ZMYND8: variants seen among roughly 807,000 people sequenced by gnomAD.
ZMYND8 encodes zinc finger MYND-type containing 8.
ZMYND8 carries 37 observed loss-of-function variants against 140.8 expected under a neutral mutation model. That is an observed-to-expected ratio of 0.26 (90% CI 0.20 to 0.35). The LOEUF (loss-of-function observed/expected upper bound fraction) is 0.35, where lower values mean the gene tolerates loss of function less well. Ranked by LOEUF, ZMYND8 falls within the 10% of genes least tolerant of loss-of-function variation. The pLI is 1.00. For missense variants in ZMYND8, 1,068 were observed against 1,570.0 expected, an observed-to-expected ratio of 0.68 and a Z score of 5.40; for synonymous variants, 592 against 597.1, an observed-to-expected ratio of 0.99 and a Z score of 0.12.
chr20:47,268,700 C>A (rs1033578245), intron 11 of ZMYND8, among the ~76,000 whole-genome samples: 2 of 12,298 alleles, frequency 1.6e-4, no homozygotes, highest in African/African-American at 4.1e-4. Context: ...TCGCCTGAAC[C>A]TGGGATGCGG....
intron 1 of ZMYND8, chr20:47,349,760 C>T: frequency 2.1e-6 from 3 of 1,461,614 alleles, no homozygotes; most frequent in Non-Finnish European, 2.8e-6. Flanking sequence ...TGAAACCGAT[C>T]CCATATTTTG....
At position 47,298,217 on chromosome 20, in the gene ZMYND8, A is replaced by G. The variant is rs1354712929; in HGVS notation, c.453+512T>C. 4.2e-6 allele frequency: 4 copies of G among 955,416 alleles called. No homozygotes were observed. The East Asian group carries it at 4.6e-4, about 110-fold the overall frequency. 59.2% of individuals were successfully genotyped at this position (955,416 alleles called of 1,614,324 possible). The stretch of plus-strand genomic sequence containing the variant: ...AAATGATCCATGCCTGTTTTTGTGC[A>G]CTGTCGAATTCCCAGCACCTAATAG... On this transcript the variant is annotated intron_variant, in intron 4 of 22. Transcript: ENST00000471951. This position sits in a 1 kb window ranked among gnomAD's most constrained non-coding sequence, Gnocchi z 5.0.
chr20:47,296,575 G>A (rs2077648093), intron 4 of ZMYND8, among the ~76,000 whole-genome samples: 1 of 152,080 alleles, frequency 6.6e-6, no homozygotes, highest in Non-Finnish European at 1.5e-5. Flanking sequence ...AATAAACTCT[G>A]GCCTGGCCCT....
intron 3 of ZMYND8, among the ~76,000 whole-genome samples, chr20:47,302,441 A>G (rs745712662): frequency 2.0e-5 from 3 of 152,202 alleles, no homozygotes; most frequent in Non-Finnish European, 4.4e-5. Flanking sequence ...TGAGCGAAAG[A>G]GCGAGACATC....
intron 5 of ZMYND8, among the ~76,000 whole-genome samples, chr20:47,294,374 A>C (rs1216678560): frequency 6.6e-6 from 1 of 151,344 alleles, no homozygotes; most frequent in African/African-American, 2.4e-5. Flanking sequence ...AAACAAACAA[A>C]AAAAAAAACC....
intron 3 of ZMYND8, among the ~76,000 whole-genome samples, chr20:47,301,208 G>C (rs2148089625): frequency 6.7e-6 from 1 of 148,286 alleles, no homozygotes; most frequent in Admixed American, 6.8e-5. Flanking sequence ...AGGATAGAGT[G>C]CAATGGCGTG....
chr20:47,348,202 A>T, intron 1 of ZMYND8: 1 of 454,664 alleles, frequency 2.2e-6, no homozygotes, highest in Non-Finnish European at 4.0e-6. Flanking sequence ...TTAGACACAC[A>T]ATTACAACCT....
chr20:47,212,780 C>A lies in ZMYND8; in HGVS notation c.3485-55G>T, dbSNP rs958374366. ...TCTGTCAGAGAGCTGGAATTCCGCA[C>A]AACCCCAAGTGCTTACTATTTTTGT... On this transcript the variant is annotated intron_variant, in intron 21 of 22. Transcript: ENST00000471951. 5.3e-6 allele frequency: 8 copies of A among 1,497,020 alleles called. No homozygotes were observed. In the South Asian group the frequency reaches 1.0e-4, roughly 19 times the overall value. 92.7% of individuals were successfully genotyped at this position (1,497,020 alleles called of 1,614,324 possible).
At chr20:47,228,723 G>C (rs767459060) in intron 17 of ZMYND8, among the ~76,000 whole-genome samples, 1 of 152,072 alleles carries the variant, frequency 6.6e-6, no homozygotes, top group Non-Finnish European at 1.5e-5. Context: ...TCTCCTCTTC[G>C]TCTGAGCACC....
At chr20:47,318,716 G>A in intron 2 of ZMYND8, 1 of 458,934 alleles carries the variant, frequency 2.2e-6, no homozygotes, top group South Asian at 1.5e-5. Flanking sequence ...AGAGCTGCCG[G>A]GCTGAGCCCT....
chr20:47,295,118 C>T (rs1295157468), intron 4 of ZMYND8, among the ~76,000 whole-genome samples: 3 of 152,158 alleles, frequency 2.0e-5, no homozygotes, highest in South Asian at 2.1e-4. Context: ...GCCAGGTGGG[C>T]GTGGTGGCTC....
intron 14 of ZMYND8, among the ~76,000 whole-genome samples, chr20:47,241,108 A>G (rs2147219639): frequency 6.6e-6 from 1 of 152,012 alleles, no homozygotes; most frequent in South Asian, 2.1e-4. Flanking sequence ...AGTCTGGCCA[A>G]CATGGTGAAA....
At position 47,210,412 on chromosome 20, in the gene ZMYND8, CTT is replaced by C. The variant is rs770865032; in HGVS notation, c.*347_*348del. The C allele has an allele frequency of 3.9e-4, 40 of 102,356 alleles. No homozygotes were observed. Among genetic ancestry groups the C allele is most frequent in the South Asian group, 1.4e-3 (6 of 4,182 alleles). 6.3% of individuals were successfully genotyped at this position (102,356 alleles called of 1,614,324 possible). A position where few individuals can be genotyped will look rare whatever the true frequency, so the allele number is the denominator to read the frequency against. On this transcript the variant is annotated 3_prime_UTR_variant, in exon 23 of 23. Coordinates refer to ENST00000471951, the MANE Select transcript of ZMYND8 (RefSeq NM_001281775.3). ...TCTTTTTTGTTGTTGGGGTTGGTTGCTTTTTTTTTTTTTTTTAAATCGTTTTT... is the reference window on the plus strand; with the variant it reads ...TCTTTTTTGTTGTTGGGGTTGGTTGCTTTTTTTTTTTTTTAAATCGTTTTT...
chr20:47,283,804 G>GCTTCC (rs1369254746), intron 8 of ZMYND8, among the ~76,000 whole-genome samples, 156 bp from the exon 9 acceptor site: 1 of 152,140 alleles, frequency 6.6e-6, no homozygotes, highest in Non-Finnish European at 1.5e-5. Flanking sequence ...CGCTCCCAAT[G>GCTTCC]CTTCCACCCA....
At chr20:47,332,879 A>G (rs779879665) in intron 2 of ZMYND8, among the ~76,000 whole-genome samples, 2 of 152,206 alleles carry the variant, frequency 1.3e-5, no homozygotes, top group Non-Finnish European at 2.9e-5. Context: ...CATTATCCCT[A>G]CTAGCCAGAA....
intron 11 of ZMYND8, among the ~76,000 whole-genome samples, chr20:47,266,649 T>C (rs977210488): frequency 1.3e-5 from 2 of 152,090 alleles, no homozygotes; most frequent in Non-Finnish European, 2.9e-5. Context: ...AACTCTGCAC[T>C]CCTCTTCCTA....
rs2077760069 is a variant in ZMYND8, at chr20:47,298,081, T to C, written c.453+648A>G. On this transcript the variant is annotated intron_variant, in intron 4 of 22. Transcript: ENST00000471951. This position sits in a 1 kb window ranked among gnomAD's most constrained non-coding sequence, Gnocchi z 5.0. ...AAAATGAAAACACCTTGCACTCCCTTGGACCTCCTATTCCCATCCTGAATT... is the reference window on the plus strand; with the variant it reads ...AAAATGAAAACACCTTGCACTCCCTCGGACCTCCTATTCCCATCCTGAATT... 6.6e-6 allele frequency among the ~76,000 whole-genome samples: 1 copy of C among 152,212 alleles called. No individual in the cohort carries two copies. The highest frequency in any genetic ancestry group is 1.5e-5 in the Non-Finnish European group (1 of 68,036).
At chr20:47,332,685 G>A (rs950819436) in intron 2 of ZMYND8, among the ~76,000 whole-genome samples, 12 of 152,156 alleles carry the variant, frequency 7.9e-5, no homozygotes, top group African/African-American at 2.9e-4. Flanking sequence ...ACTCCCGTCT[G>A]GGGAACAGAG....
At position 47,236,311 on chromosome 20, in the gene ZMYND8, C is replaced by A. The variant is rs768508787; in HGVS notation, c.2856+15G>T. On this transcript the variant is annotated intron_variant, in intron 16 of 22. Coordinates refer to ENST00000471951, the MANE Select transcript of ZMYND8 (RefSeq NM_001281775.3). ...GGTGTCTGCCATCTCCACGGTAGCT[C>A]TCCCATCCACTCACTTTGCTAGTGT... 5 of 1,614,026 alleles carry A rather than the reference C, an allele frequency of 3.1e-6. No homozygotes were observed. The East Asian group carries it at 1.1e-4, about 36-fold the overall frequency.
Sources: allele counts gnomAD v4.1 joint callset (sites outside exome capture counted in the v4.1 genomes callset), GRCh38; gene constraint gnomAD v4.1.1; non-coding constraint Gnocchi (gnomAD v3.1); transcripts MANE v1.5; gene names NCBI Gene and HGNC (gene_info 2026-07-23, HGNC 2026-07-21).